Variants in CDH4 observed in about 807,000 individuals in gnomAD.
The protein encoded by CDH4 is cadherin 4, also known as cadherin-4.
Under a neutral mutation model 86.0 loss-of-function variants are expected in CDH4, and 33 were observed. The observed-to-expected ratio is 0.38, with a 90% CI of 0.29 to 0.51. The LOEUF (loss-of-function observed/expected upper bound fraction) is 0.51. CDH4 is among the 20% of genes least tolerant of loss of function. The pLI is 0.86. For missense variants in CDH4, 1,114 were observed against 1,307.4 expected (o/e 0.85, Z 2.28); for synonymous variants, 555 against 549.4 (o/e 1.01, Z -0.14).
chr20:61,850,512 C>T lies in CDH4; in HGVS notation c.733-2242C>T, dbSNP rs375768109. On this transcript the variant is annotated intron_variant, in intron 5 of 15. Transcript: ENST00000614565. ...CAGCCAAGAGGCGGGAGCATTAGAT[C>T]CCACACACATCTGGACAGTCATCTG... Among the ~76,000 whole-genome samples, 13 of 152,360 alleles carry T rather than the reference C, an allele frequency of 8.5e-5. No individual in the cohort carries two copies. In the South Asian group the frequency reaches 2.5e-3, roughly 29 times the overall value.
At chr20:61,365,234 T>C (rs1372125600) in intron 2 of CDH4, among the ~76,000 whole-genome samples, 1 of 152,218 alleles carries the variant, frequency 6.6e-6, no homozygotes, top group Non-Finnish European at 1.5e-5. Context: ...GCTGTCTTTT[T>C]TGGTGAATAA....
chr20:61,586,860 A>G (rs1384248909), intron 2 of CDH4, among the ~76,000 whole-genome samples: 1 of 152,136 alleles, frequency 6.6e-6, no homozygotes, highest in Admixed American at 6.5e-5. Flanking sequence ...AAAATAATCC[A>G]CTGAGGCACA....
intron 4 of CDH4, among the ~76,000 whole-genome samples, chr20:61,805,598 C>T (rs1025837808): frequency 6.6e-6 from 1 of 152,226 alleles, no homozygotes; most frequent in African/African-American, 2.4e-5. Context: ...GGGTCTCGGA[C>T]CCACCCCAGG....
intron 2 of CDH4, among the ~76,000 whole-genome samples, chr20:61,420,185 A>C (rs1431515802): frequency 6.6e-6 from 1 of 152,264 alleles, no homozygotes; most frequent in Non-Finnish European, 1.5e-5. Context: ...GAGCAGCTGC[A>C]GGAATCCTCT....
At chr20:61,723,578 C>G (rs2088068640) in intron 2 of CDH4, among the ~76,000 whole-genome samples, 1 of 152,212 alleles carries the variant, frequency 6.6e-6, no homozygotes, top group Non-Finnish European at 1.5e-5. Context: ...AGCACCTGCT[C>G]TTCTCGAGGG....
intron 2 of CDH4, among the ~76,000 whole-genome samples, chr20:61,508,686 A>G (rs1466899833): frequency 6.6e-6 from 1 of 152,256 alleles, no homozygotes; most frequent in Non-Finnish European, 1.5e-5. Flanking sequence ...CAGGACAGGC[A>G]GTGAAGCCCA....
intron 6 of CDH4, 82 bp from the exon 7 acceptor site, chr20:61,873,646 C>A: frequency 1.4e-6 from 2 of 1,447,406 alleles, no homozygotes; most frequent in South Asian, 1.3e-5. Flanking sequence ...GCTCTGTGGT[C>A]GGGGGGCTCT....
At chr20:61,463,204 A>C (rs1358548418) in intron 2 of CDH4, among the ~76,000 whole-genome samples, 1 of 152,154 alleles carries the variant, frequency 6.6e-6, no homozygotes, top group African/African-American at 2.4e-5. Context: ...CTGTGAGTCC[A>C]TTAAACCTCT....
chr20:61,281,586 C>T (rs745872158), intron 2 of CDH4, among the ~76,000 whole-genome samples: 15 of 152,202 alleles, frequency 9.9e-5, no homozygotes, highest in South Asian at 2.1e-4. Context: ...GTCTGAGGTC[C>T]GTCCCAGCCC....
chr20:61,926,681 G>A (rs556091944), intron 11 of CDH4, among the ~76,000 whole-genome samples: 1 of 152,294 alleles, frequency 6.6e-6, no homozygotes, highest in East Asian at 1.9e-4. Context: ...GACCAGCCTG[G>A]CCAACATGGT....
intron 8 of CDH4, among the ~76,000 whole-genome samples, chr20:61,896,851 A>G (rs1985150433): frequency 6.6e-6 from 1 of 152,154 alleles, no homozygotes; most frequent in African/African-American, 2.4e-5. Flanking sequence ...CTGCACCCAC[A>G]CAGCTGGCCG....
Position 61,939,639 on chromosome 20 carries a change from G to T in CDH4, c.*2696G>T, listed in dbSNP as rs985862778. ...TCGAACGTCTCTCTTCCTTAAGCTT[G>T]TAGATACGACTGCCTATAATCAGGG... On this transcript the variant is annotated 3_prime_UTR_variant, in exon 16 of 16. Coordinates refer to ENST00000614565, the MANE Select transcript of CDH4 (RefSeq NM_001794.5). 1 of 152,290 alleles carries T rather than the reference G, an allele frequency of 6.6e-6. No individual in the cohort carries two copies. The highest frequency in any genetic ancestry group is 1.5e-5 in the Non-Finnish European group (1 of 68,062). The allele number at this position is 152,290 out of a possible 1,614,324, so 9.4% of individuals were successfully genotyped here. A position where few individuals can be genotyped will look rare whatever the true frequency, so the allele number is the denominator to read the frequency against.
intron 2 of CDH4, among the ~76,000 whole-genome samples, chr20:61,736,071 G>A (rs1226669822): frequency 1.3e-5 from 2 of 152,190 alleles, no homozygotes; most frequent in Admixed American, 6.5e-5. Context: ...GGAGCTCAGG[G>A]TGCCCCCCAC....
At chr20:61,680,566 G>A (rs533793776) in intron 2 of CDH4, among the ~76,000 whole-genome samples, 161 of 152,314 alleles carry the variant, frequency 1.1e-3, no homozygotes, top group African/African-American at 3.7e-3. Context: ...TGAGGAGTGG[G>A]GGAAGGGCGG....
chr20:61,330,958 A>G (rs2084569395), intron 2 of CDH4, among the ~76,000 whole-genome samples: 1 of 152,084 alleles, frequency 6.6e-6, no homozygotes, highest in African/African-American at 2.4e-5. Flanking sequence ...GGTCTGTGAA[A>G]CAAGTTCCTA....
intron 4 of CDH4, among the ~76,000 whole-genome samples, chr20:61,782,977 C>G (rs887394365): frequency 6.6e-6 from 1 of 152,152 alleles, no homozygotes; most frequent in African/African-American, 2.4e-5. Context: ...CCCAGCTACT[C>G]AGGAGGCTGA....
At chr20:61,691,026 T>C (rs2087646882) in intron 2 of CDH4, among the ~76,000 whole-genome samples, 1 of 152,216 alleles carries the variant, frequency 6.6e-6, no homozygotes. Flanking sequence ...AGAATGATTT[T>C]AGCATTTGGT....
chr20:61,827,801 C>T (rs1981393549), intron 4 of CDH4, among the ~76,000 whole-genome samples: 1 of 152,200 alleles, frequency 6.6e-6, no homozygotes, highest in Non-Finnish European at 1.5e-5. Context: ...ACGACAGGGT[C>T]ACACCAACAG....
At chr20:61,804,575 T>TG (rs1181337936) in intron 4 of CDH4, among the ~76,000 whole-genome samples, 3 of 152,158 alleles carry the variant, frequency 2.0e-5, no homozygotes, top group African/African-American at 7.2e-5. Context: ...CCTTACCATA[T>TG]GGGTTCCCCT....
Sources: gnomAD v4.1 joint callset for allele counts (sites outside exome capture counted in the v4.1 genomes callset) on GRCh38, gnomAD v4.1.1 for gene constraint, MANE v1.5 for transcripts, NCBI Gene and HGNC (gene_info 2026-07-23, HGNC 2026-07-21) for gene names.